The following TENM2 variants were observed in gnomAD, a reference collection of about 807,000 sequenced individuals.
TENM2 encodes teneurin transmembrane protein 2.
In TENM2, 52 loss-of-function variants were observed where a neutral mutation model predicts 245.2. That is an observed-to-expected ratio of 0.21 (90% CI 0.17 to 0.27). TENM2 has a LOEUF of 0.27. Ranked by LOEUF, TENM2 falls within the 10% of genes least tolerant of loss-of-function variation. TENM2 has a pLI of 1.00. For missense variants in TENM2, 3,046 were observed against 3,666.8 expected, an observed-to-expected ratio of 0.83 and a Z score of 4.37; for synonymous variants, 1,363 against 1,438.9, an observed-to-expected ratio of 0.95 and a Z score of 1.19.
At chr5:168,142,894 T>G (rs946741747) in intron 12 of TENM2, among the ~76,000 whole-genome samples, 1 of 152,200 alleles carries the variant, frequency 6.6e-6, no homozygotes, top group Non-Finnish European at 1.5e-5. Context: ...GGCTTGAGAC[T>G]CCCCTGTGTG....
chr5:167,221,891 G>C, the TENM2 span, among the ~76,000 whole-genome samples: 1 of 152,106 alleles, frequency 6.6e-6, no homozygotes, highest in African/African-American at 2.4e-5. Flanking sequence ...AGTTATTGTA[G>C]GTAAGTTGAA....
chr5:167,638,045 G>T (rs992373218), intron 2 of TENM2, among the ~76,000 whole-genome samples: 9 of 150,074 alleles, frequency 6.0e-5, no homozygotes, highest in Non-Finnish European at 1.3e-4. Context: ...ACAAAGGCCA[G>T]ATTATAAAGT....
chr5:167,876,284 C>T (rs964516265), intron 3 of TENM2, 89 bp downstream of exon 5: 12 of 1,153,274 alleles, frequency 1.0e-5, no homozygotes, highest in Non-Finnish European at 1.4e-5. Context: ...GAAACAAGGG[C>T]TGGGGGAAGG....
At chr5:166,983,731 A>G in the TENM2 span, among the ~76,000 whole-genome samples, 1 of 152,046 alleles carries the variant, frequency 6.6e-6, no homozygotes, top group Non-Finnish European at 1.5e-5. Context: ...GAAATATAAC[A>G]GTGCATTGTT....
chr5:167,619,175 G>A (rs1033805892), intron 2 of TENM2, among the ~76,000 whole-genome samples: 1 of 152,006 alleles, frequency 6.6e-6, no homozygotes, highest in Non-Finnish European at 1.5e-5. Flanking sequence ...ATTGTGAACT[G>A]GCTTGCAAGA....
At chr5:168,036,147 G>A (rs771888672) in intron 5 of TENM2, among the ~76,000 whole-genome samples, 11 of 152,106 alleles carry the variant, frequency 7.2e-5, no homozygotes, top group South Asian at 4.1e-4. Context: ...GTTAGGATCC[G>A]GCATGGGATC....
the TENM2 span, among the ~76,000 whole-genome samples, chr5:167,240,655 T>C: frequency 4.6e-5 from 7 of 152,178 alleles, no homozygotes; most frequent in African/African-American, 1.7e-4. Flanking sequence ...GTTTTGGTTT[T>C]TCTGTCCATG....
rs149521423 is a variant in TENM2, at chr5:168,028,735, T to A, written c.1187-18692T>A. On this transcript the variant is annotated intron_variant, in intron 5 of 28. Transcript: ENST00000518659. ...TGGCTGTGTCTGTATCCAACACCCT[T>A]TTTGGGTCCCTAAATCGAGCAGGGT... Among the ~76,000 whole-genome samples, 412 of 152,080 alleles carry A rather than the reference T, an allele frequency of 2.7e-3. 2 individuals are homozygous for A. The highest frequency in any genetic ancestry group is 8.8e-3 in the African/African-American group (367 of 41,470).
At chr5:167,365,491 C>T (rs942793170) in intron 1 of TENM2, among the ~76,000 whole-genome samples, 5 of 150,338 alleles carry the variant, frequency 3.3e-5, no homozygotes, top group Non-Finnish European at 4.4e-5. Flanking sequence ...TTTGAAAAAT[C>T]GATAAAATAA....
intron 2 of TENM2, among the ~76,000 whole-genome samples, chr5:167,546,975 C>T (rs1175651920): frequency 6.6e-6 from 1 of 152,190 alleles, no homozygotes; most frequent in African/African-American, 2.4e-5. Flanking sequence ...CCATTGCCTG[C>T]AATGATACAT....
At chr5:167,858,071 C>G (rs932757767) in intron 2 of TENM2, among the ~76,000 whole-genome samples, 3 of 152,250 alleles carry the variant, frequency 2.0e-5, no homozygotes, top group African/African-American at 7.2e-5. Context: ...CATTCTATGA[C>G]TTTTGCTAAT....
intron 2 of TENM2, among the ~76,000 whole-genome samples, chr5:167,451,292 C>T (rs1765568054): frequency 2.0e-5 from 3 of 152,180 alleles, no homozygotes. Context: ...AATGAGCCCT[C>T]TGCACACACC....
exon 16 of TENM2, chr5:168,198,908 C>T: frequency 6.2e-7 from 1 of 1,614,044 alleles, no homozygotes; most frequent in East Asian, 2.2e-5. Flanking sequence ...TGAGCGAGCC[C>T]CGTTCATGAG....
intron 13 of TENM2, among the ~76,000 whole-genome samples, chr5:168,172,878 T>C (rs1758976770): frequency 6.6e-6 from 1 of 152,114 alleles, no homozygotes; most frequent in Admixed American, 6.5e-5. Context: ...TCTTTGACTT[T>C]CTATCTTCTC....
At chr5:168,072,861 G>T (rs1452577388) in intron 7 of TENM2, among the ~76,000 whole-genome samples, 2 of 152,184 alleles carry the variant, frequency 1.3e-5, no homozygotes, top group African/African-American at 2.4e-5. Flanking sequence ...AGGCGGCTCT[G>T]CAGGGGGAAC....
chr5:167,043,820 G>T, the TENM2 span, among the ~76,000 whole-genome samples: 1 of 152,202 alleles, frequency 6.6e-6, no homozygotes, highest in Non-Finnish European at 1.5e-5. Context: ...TCAAGTGATC[G>T]AGACCATCCT....
At chr5:167,894,056 A>C (rs1774978917) in intron 3 of TENM2, among the ~76,000 whole-genome samples, 1 of 152,226 alleles carries the variant, frequency 6.6e-6, no homozygotes, top group South Asian at 2.1e-4. Flanking sequence ...TGCATCTACC[A>C]AACCTCTTTC....
chr5:167,130,100 G>A, the TENM2 span, among the ~76,000 whole-genome samples: 1 of 152,084 alleles, frequency 6.6e-6, no homozygotes, highest in Non-Finnish European at 1.5e-5. Flanking sequence ...ATTGCTATAG[G>A]CATTTATCTT....
chr5:167,175,222 G>A, the TENM2 span, among the ~76,000 whole-genome samples: 1 of 152,098 alleles, frequency 6.6e-6, no homozygotes, highest in Admixed American at 6.5e-5. Flanking sequence ...AAATATTTTT[G>A]TCTGTTTTTC....
Sources: allele counts gnomAD v4.1 joint callset (sites outside exome capture counted in the v4.1 genomes callset), GRCh38; gene constraint gnomAD v4.1.1; transcripts MANE v1.5; gene names NCBI Gene and HGNC (gene_info 2026-07-23, HGNC 2026-07-21).